Variants in GNAS observed in about 807,000 individuals in gnomAD.
GNAS encodes the protein GNAS complex locus.
GNAS carries 8 observed loss-of-function variants against 54.5 expected under a neutral mutation model. That is an observed-to-expected ratio of 0.15 (90% CI 0.09 to 0.26). The LOEUF (loss-of-function observed/expected upper bound fraction) is 0.26. Among genes scored for constraint, GNAS ranks in the 10% least tolerant of loss-of-function variants. The probability of loss-of-function intolerance (pLI) is 1.00; values close to 1 mark genes in which losing one functional copy is unlikely to be tolerated. For missense variants in GNAS, 170 were observed against 529.8 expected, an observed-to-expected ratio of 0.32 and a Z score of 6.67; for synonymous variants, 204 against 191.4, an observed-to-expected ratio of 1.07 and a Z score of -0.54.
rs375074997 is a variant in GNAS, at chr20:58,910,107, G to A, written c.970+26G>A. ...GTGTGTATGGCTTCCACTCTTGCTG[G>A]CTGTTCATTGCGGTGGTTCTTTTTC... On this transcript the variant is annotated intron_variant, in intron 11 of 12. Transcript: ENST00000371085. This position sits in a 1 kb window ranked among gnomAD's most constrained non-coding sequence, Gnocchi z 5.8. 4 of 1,611,538 alleles carry A rather than the reference G, an allele frequency of 2.5e-6. No homozygotes were observed. The African/African-American group carries it at 4.0e-5, about 16-fold the overall frequency.
intron 1 of GNAS, chr20:58,842,353 T>C (rs2085771938): frequency 7.5e-6 from 3 of 398,084 alleles, no homozygotes; most frequent in Non-Finnish European, 1.3e-5. Context: ...GGAGGAATAG[T>C]AAAGCGTTTT....
intron 1 of GNAS, chr20:58,842,364 G>A (rs1478840809): frequency 1.0e-5 from 4 of 398,070 alleles, no homozygotes; most frequent in Non-Finnish European, 1.8e-5. Flanking sequence ...AAAGCGTTTT[G>A]AGGGCTTGAG....
At chr20:58,854,807 C>T (rs2145576229) in intron 1 of GNAS, 2 of 1,586,422 alleles carry the variant, frequency 1.3e-6, no homozygotes, top group East Asian at 2.3e-5. Flanking sequence ...GCCGGGCGGC[C>T]TCTGCAGCCC....
chr20:58,894,992 T>G (rs2089907855), intron 1 of GNAS, among the ~76,000 whole-genome samples: 1 of 152,138 alleles, frequency 6.6e-6, no homozygotes, highest in African/African-American at 2.4e-5. Flanking sequence ...AAGAGGAGGA[T>G]GGATAAGTGG....
intron 1 of GNAS, among the ~76,000 whole-genome samples, chr20:58,852,553 G>T (rs1295305787): frequency 6.6e-6 from 1 of 152,056 alleles, no homozygotes; most frequent in African/African-American, 2.4e-5. Flanking sequence ...GGGTATCCTG[G>T]GGTGATGAAA....
At chr20:58,896,624 A>C (rs1198236562) in intron 2 of GNAS, among the ~76,000 whole-genome samples, 1 of 124,742 alleles carries the variant, frequency 8.0e-6, no homozygotes, top group African/African-American at 4.8e-5. Context: ...AAACGTGTAA[A>C]AAAAAAAAAA....
upstream of GNAS, among the ~76,000 whole-genome samples, chr20:58,890,379 A>T (rs2089067849): frequency 6.6e-6 from 1 of 150,892 alleles, no homozygotes; most frequent in African/African-American, 2.4e-5. Flanking sequence ...CACGGACTCG[A>T]GCGACGAGGA....
upstream of GNAS, chr20:58,889,238 C>T (rs1476346449): frequency 8.4e-7 from 1 of 1,185,154 alleles, no homozygotes; most frequent in Admixed American, 2.9e-5. Context: ...CGGCGCTCCC[C>T]TGCTCTCTGG....
chr20:58,858,933 A>G (rs2086636593), intron 1 of GNAS, among the ~76,000 whole-genome samples: 1 of 152,136 alleles, frequency 6.6e-6, no homozygotes, highest in Non-Finnish European at 1.5e-5. Flanking sequence ...TTCTCTTTTC[A>G]GTCTCCTAGT....
At chr20:58,905,294 G>A (rs2090964326) in intron 5 of GNAS, 89 bp from the exon 6 acceptor site, 1 of 803,528 alleles carries the variant, frequency 1.2e-6, no homozygotes, top group Admixed American at 1.8e-5. Context: ...CGGTCACATA[G>A]GGAACTCTGG....
In GNAS at chr20:58,858,683, T is replaced by C. The variant is rs2086621634; in HGVS notation, c.43+17797T>C. Among the ~76,000 whole-genome samples the C allele has an allele frequency of 2.0e-5, 3 of 152,238 alleles. No homozygotes were observed. In the South Asian group the frequency reaches 6.2e-4, roughly 31 times the overall value. ...TAATGGCTATTCTGCTATGATGCTTTATTTATACAGTGAATCACAATTAAT... is the reference window on the plus strand; with the variant it reads ...TAATGGCTATTCTGCTATGATGCTTCATTTATACAGTGAATCACAATTAAT... On this transcript the variant is annotated intron_variant, in intron 1 of 12. Coordinates refer to the GNAS transcript ENST00000306090.
chr20:58,899,424 A>G (rs747181024), intron 3 of GNAS: 2 of 521,390 alleles, frequency 3.8e-6, no homozygotes, highest in Admixed American at 4.4e-5. Context: ...TTATTAAAAT[A>G]TGCAATGCTG....
At chr20:58,865,839 CT>C (rs2087035361) in intron 1 of GNAS, among the ~76,000 whole-genome samples, 1 of 152,160 alleles carries the variant, frequency 6.6e-6, no homozygotes, top group Non-Finnish European at 1.5e-5. Flanking sequence ...AAATAGTGAG[CT>C]GACTTTGATT....
At chr20:58,855,385 AG>A in intron 1 of GNAS, 1 of 1,288,016 alleles carries the variant, frequency 7.8e-7, no homozygotes, top group Non-Finnish European at 1.1e-6. Context: ...GGAACCGGGG[AG>A]GGGGTGGCAG....
chr20:58,850,982 C>G (rs1233568542), intron 1 of GNAS: 4 of 398,508 alleles, frequency 1.0e-5, no homozygotes, highest in Admixed American at 4.4e-5. Context: ...GGCATGACCC[C>G]TGCCCAATGG....
chr20:58,889,893 G>A (rs927765067), upstream of GNAS, among the ~76,000 whole-genome samples: 3 of 151,670 alleles, frequency 2.0e-5, no homozygotes, highest in African/African-American at 4.8e-5. Context: ...GCTGAAGATG[G>A]CCATGAAGCT....
upstream of GNAS, chr20:58,839,886 C>T: frequency 1.7e-6 from 1 of 600,510 alleles, no homozygotes; most frequent in Admixed American, 3.0e-5. Context: ...CTTCTTCTTG[C>T]TCAGAGAGGC....
At position 58,868,952 on chromosome 20, in the gene GNAS, G is replaced by A. The variant is rs117973869; in HGVS notation, c.44-26660G>A. Reference sequence around the variant, plus strand: ...TTCAAAAATTCACCCTTGCGCCGGCGCCTAAGGCAGAACCCGCATCCCCCT... The same window carrying A: ...TTCAAAAATTCACCCTTGCGCCGGCACCTAAGGCAGAACCCGCATCCCCCT... On this transcript the variant is annotated intron_variant, in intron 1 of 12. Transcript: ENST00000306090. Among the ~76,000 whole-genome samples, 354 of 152,284 alleles carry A rather than the reference G, an allele frequency of 2.3e-3. 4 individuals carry two copies. The highest frequency in any genetic ancestry group is 0.017 in the South Asian group (83 of 4,826).
chr20:58,841,602 G>C lies in GNAS; in HGVS notation c.43+716G>C, dbSNP rs2085730920. ...CGGGACAGAGACCGCCTCAAAGAGC[G>C]TGCGCACCTGCCCGCGCGCGCCGGA... On this transcript the variant is annotated intron_variant, in intron 1 of 12. Coordinates refer to the GNAS transcript ENST00000306090. The surrounding 1 kb of genome is among the most constrained non-coding windows in gnomAD (Gnocchi z 5.0). The C allele has an allele frequency of 1.2e-5, 12 of 1,029,750 alleles. No homozygotes were observed. The highest frequency in any genetic ancestry group is 1.4e-5 in the Non-Finnish European group (12 of 859,220). 63.8% of individuals were successfully genotyped at this position (1,029,750 alleles called of 1,614,324 possible).
Sources: allele counts gnomAD v4.1 joint callset (sites outside exome capture counted in the v4.1 genomes callset), GRCh38; gene constraint gnomAD v4.1.1; non-coding constraint Gnocchi (gnomAD v3.1); transcripts MANE v1.5; gene names NCBI Gene and HGNC (gene_info 2026-07-23, HGNC 2026-07-21).